Variants in SIPA1L1 observed in about 807,000 individuals in gnomAD.
SIPA1L1 encodes the protein signal-induced proliferation-associated 1-like protein 1.
In SIPA1L1, 26 loss-of-function variants were observed where a neutral mutation model predicts 162.7. The ratio of observed to expected loss-of-function variants is 0.16; its 90% CI spans 0.12 to 0.22. The LOEUF is 0.22. Ranked by LOEUF, SIPA1L1 falls within the 10% of genes least tolerant of loss-of-function variation. SIPA1L1 has a pLI of 1.00. For synonymous variants in SIPA1L1, 829 were observed against 837.4 expected, an observed-to-expected ratio of 0.99 and a Z score of 0.17; for missense variants, 1,874 against 2,241.0, an observed-to-expected ratio of 0.84 and a Z score of 3.31.
At chr14:71,705,433 C>A in intron 16 of SIPA1L1, 93 bp downstream of exon 16, 2 of 929,776 alleles carry the variant, frequency 2.2e-6, no homozygotes, top group South Asian at 1.4e-5. Flanking sequence ...TCTGCATGGC[C>A]AAAGAGGAAA....
chr14:71,602,741 G>T (rs1482081691), intron 5 of SIPA1L1, among the ~76,000 whole-genome samples: 1 of 152,254 alleles, frequency 6.6e-6, no homozygotes, highest in African/African-American at 2.4e-5. Flanking sequence ...GTGAGCAGCA[G>T]GTGAGCCAGC....
chr14:71,577,275 A>G (rs898185294), intron 4 of SIPA1L1, among the ~76,000 whole-genome samples: 1 of 152,114 alleles, frequency 6.6e-6, no homozygotes, highest in Non-Finnish European at 1.5e-5. Context: ...CACAGGCTAT[A>G]AGGGAGCCTT....
At chr14:71,460,767 G>A (rs2046542801) in intron 2 of SIPA1L1, among the ~76,000 whole-genome samples, 1 of 152,178 alleles carries the variant, frequency 6.6e-6, no homozygotes, top group Admixed American at 6.5e-5. Flanking sequence ...TCCTGGACCT[G>A]TGAATCCTGA....
intron 2 of SIPA1L1, among the ~76,000 whole-genome samples, chr14:71,386,047 G>A (rs1353387345): frequency 1.3e-5 from 2 of 152,048 alleles, no homozygotes; most frequent in Non-Finnish European, 2.9e-5. Context: ...ATCTCAGTTT[G>A]TACTAGTGCC....
chr14:71,383,342 G>A (rs2040058452), intron 2 of SIPA1L1, among the ~76,000 whole-genome samples: 1 of 152,160 alleles, frequency 6.6e-6, no homozygotes, highest in Non-Finnish European at 1.5e-5. Context: ...TAGCAAAGCT[G>A]GATGGGGTTC....
intron 2 of SIPA1L1, among the ~76,000 whole-genome samples, chr14:71,433,508 G>T (rs1201310672): frequency 6.6e-6 from 1 of 152,028 alleles, no homozygotes. Context: ...GTAGCGACGG[G>T]GCTTCACCAT....
In SIPA1L1 at chr14:71,661,593, C is replaced by T. The variant is rs2043517022; in HGVS notation, c.2255+126C>T. ...TTACTATTTCTTTTTGTCTTTAAACCATGCATGCGGATGGCTGAATTCACA... is the reference window on the plus strand; with the variant it reads ...TTACTATTTCTTTTTGTCTTTAAACTATGCATGCGGATGGCTGAATTCACA... On this transcript the variant is annotated intron_variant, in intron 10 of 23. Transcript: ENST00000381232. 3.7e-5 allele frequency: 37 copies of T among 989,312 alleles called. No homozygotes were observed. In the South Asian group the frequency reaches 6.9e-4, roughly 18 times the overall value. 61.3% of individuals were successfully genotyped at this position (989,312 alleles called of 1,614,324 possible).
At chr14:71,470,388 A>G (rs140741068) in intron 2 of SIPA1L1, among the ~76,000 whole-genome samples, 230 of 152,346 alleles carry the variant, frequency 1.5e-3, no homozygotes, top group Non-Finnish European at 2.5e-3. Context: ...GTGAATTGCT[A>G]TCTGACACTT....
chr14:71,387,248 C>CAA (rs398025583), intron 2 of SIPA1L1, among the ~76,000 whole-genome samples: 3,066 of 53,736 alleles, frequency 0.057, 465 homozygotes, highest in Admixed American at 0.087. Context: ...AACTCTGTCT[C>CAA]AAAAAAAAAA....
intron 2 of SIPA1L1, among the ~76,000 whole-genome samples, chr14:71,419,091 C>T (rs17126107): frequency 0.021 from 3,271 of 152,242 alleles, 118 homozygotes; most frequent in African/African-American, 0.074. Flanking sequence ...TGAACCGTTG[C>T]TGTCTCAGCA....
intron 7 of SIPA1L1, among the ~76,000 whole-genome samples, chr14:71,645,646 T>C (rs1409786699): frequency 6.6e-6 from 1 of 152,010 alleles, no homozygotes; most frequent in Admixed American, 6.6e-5. Flanking sequence ...GGGGAAGGGG[T>C]GAGTGTATAG....
At chr14:71,616,476 G>A (rs372469114) in intron 5 of SIPA1L1, among the ~76,000 whole-genome samples, 1 of 151,454 alleles carries the variant, frequency 6.6e-6, no homozygotes, top group Non-Finnish European at 1.5e-5. Context: ...GTGAGTTTAC[G>A]GTAATTAAAG....
intron 12 of SIPA1L1, among the ~76,000 whole-genome samples, chr14:71,678,838 G>T (rs543958667): frequency 7.9e-5 from 12 of 151,960 alleles, no homozygotes; most frequent in African/African-American, 2.9e-4. Flanking sequence ...TCTATTCAGG[G>T]ATTCAACTTC....
chr14:71,417,404 G>A (rs1315275946), intron 2 of SIPA1L1, among the ~76,000 whole-genome samples: 7 of 136,036 alleles, frequency 5.1e-5, no homozygotes, highest in African/African-American at 1.1e-4. Context: ...CCCAGGGGGC[G>A]GAGCCTGCAG....
At chr14:71,652,118 G>A (rs959249581) in intron 8 of SIPA1L1, among the ~76,000 whole-genome samples, 7 of 152,278 alleles carry the variant, frequency 4.6e-5, no homozygotes, top group African/African-American at 1.7e-4. Flanking sequence ...TGAACGAAAA[G>A]TAGGGAAGTA....
rs970176365 is a variant in SIPA1L1, at chr14:71,590,036, AAAAAAAAAATATATATATAT to A, written c.1498+668_1498+687del. Among the ~76,000 whole-genome samples the A allele has an allele frequency of 2.7e-4, 20 of 74,368 alleles. No homozygotes were observed. The South Asian group carries it at 3.5e-3, about 13-fold the overall frequency. 48.8% of individuals were successfully genotyped at this position (74,368 alleles called of 152,430 possible). A position where few individuals can be genotyped will look rare whatever the true frequency, so the allele number is the denominator to read the frequency against. ...AGTGGGAGAGTAAAAAAAAAAAAAAAAAAAAAAAATATATATATATATATATATATATATATATATGTACA... is the reference window on the plus strand; with the variant it reads ...AGTGGGAGAGTAAAAAAAAAAAAAAAATATATATATATATATATATGTACA... On this transcript the variant is annotated intron_variant, in intron 5 of 23. Transcript: ENST00000381232.
rs558694428 is a variant in SIPA1L1, at chr14:71,582,790, CT to C, written c.-302-4776del. ...CAACTGTTTTTCTCAACTCTTCCTG[CT>C]TTTTGTTGAAGGGAGAATACAGAAA... On this transcript the variant is annotated intron_variant, in intron 4 of 23. Coordinates refer to ENST00000381232, the MANE Select transcript of SIPA1L1 (RefSeq NM_001386936.1). Among the ~76,000 whole-genome samples the C allele has an allele frequency of 2.6e-3, 393 of 152,292 alleles. 2 individuals are homozygous for C. The highest frequency in any genetic ancestry group is 8.9e-3 in the African/African-American group (370 of 41,566).
At chr14:71,406,808 A>G (rs902154677) in intron 2 of SIPA1L1, among the ~76,000 whole-genome samples, 2 of 152,246 alleles carry the variant, frequency 1.3e-5, no homozygotes, top group Admixed American at 6.5e-5. Context: ...ACTTAGGCTT[A>G]GTGCAGTAGG....
At chr14:71,568,166 C>G (rs894286177) in intron 4 of SIPA1L1, among the ~76,000 whole-genome samples, 1 of 152,144 alleles carries the variant, frequency 6.6e-6, no homozygotes, top group Non-Finnish European at 1.5e-5. Flanking sequence ...CCTGGAAATG[C>G]AGCCCATAGG....
Sources: allele counts gnomAD v4.1 joint callset (sites outside exome capture counted in the v4.1 genomes callset), GRCh38; gene constraint gnomAD v4.1.1; transcripts MANE v1.5; gene names NCBI Gene and HGNC (gene_info 2026-07-23, HGNC 2026-07-21).